The following LARP4B variants were observed in gnomAD, a reference collection of about 807,000 sequenced individuals.
The protein encoded by LARP4B is La ribonucleoprotein 4B, also known as la-related protein 4B.
LARP4B carries 12 observed loss-of-function variants against 89.8 expected under a neutral mutation model. The observed-to-expected ratio is 0.13, with a 90% CI of 0.09 to 0.22. The LOEUF (loss-of-function observed/expected upper bound fraction) is 0.22, where lower values mean the gene tolerates loss of function less well. LARP4B is among the 10% of genes least tolerant of loss of function. The pLI is 1.00. For synonymous variants in LARP4B, 367 were observed against 363.3 expected (o/e 1.01, Z -0.12); for missense variants, 757 against 947.7 (o/e 0.80, Z 2.64).
At chr10:925,580 C>T (rs1224141652) in intron 1 of LARP4B, among the ~76,000 whole-genome samples, 1 of 152,108 alleles carries the variant, frequency 6.6e-6, no homozygotes, top group Non-Finnish European at 1.5e-5. Context: ...GTCGCCCAGG[C>T]TGGAGTGCAG....
At chr10:943,054 C>T in the LARP4B span, among the ~76,000 whole-genome samples, 1 of 150,918 alleles carries the variant, frequency 6.6e-6, no homozygotes, top group South Asian at 2.1e-4. Flanking sequence ...TCAAGAGATT[C>T]TCCTGCCTTG....
rs1050175123 is a variant in LARP4B at position 914,674 on chromosome 10, A to C, written c.-40+16754T>G. ...GCTGGGCATGGTGGCGCATGCCTGT[A>C]ATCCCAGCCACTCGAGAGGCTGAGG... On this transcript the variant is annotated intron_variant, in intron 1 of 17. Coordinates refer to ENST00000316157, the MANE Select transcript of LARP4B (RefSeq NM_015155.3). Among the ~76,000 whole-genome samples the C allele has an allele frequency of 4.3e-3, 657 of 151,666 alleles. 4 individuals are homozygous for C. Among genetic ancestry groups the C allele is most frequent in the Non-Finnish European group, 7.0e-3 (476 of 67,922 alleles).
At chr10:923,767 A>T (rs768536213) in intron 1 of LARP4B, among the ~76,000 whole-genome samples, 143 of 152,220 alleles carry the variant, frequency 9.4e-4, no homozygotes, top group Non-Finnish European at 1.8e-3. Flanking sequence ...ATTGATCACT[A>T]GGTTTTCATC....
chr10:896,368 A>T (rs1401846182), intron 1 of LARP4B, among the ~76,000 whole-genome samples: 19 of 152,344 alleles, frequency 1.2e-4, no homozygotes, highest in African/African-American at 4.6e-4. Flanking sequence ...AATGACTACC[A>T]AAATAATAAA....
At chr10:935,722 CTTTT>C (rs10711022), upstream of LARP4B, among the ~76,000 whole-genome samples, 833 of 83,936 alleles carry the variant, frequency 9.9e-3, 10 homozygotes, top group African/African-American at 0.033. Flanking sequence ...CTTTTCTTTT[CTTTT>C]TTTTTTTTTT....
At chr10:902,047 G>A (rs941635101) in intron 1 of LARP4B, among the ~76,000 whole-genome samples, 3 of 152,144 alleles carry the variant, frequency 2.0e-5, no homozygotes, top group Non-Finnish European at 2.9e-5. Context: ...CCCCTCCACC[G>A]TTAAAGCCTG....
At chr10:867,879 A>AC (rs2131860302) in intron 3 of LARP4B, among the ~76,000 whole-genome samples, 1 of 151,128 alleles carries the variant, frequency 6.6e-6, no homozygotes, top group African/African-American at 2.4e-5. Context: ...AAAAAAAAAA[A>AC]AAAAAAACTC....
At chr10:854,632 C>A (rs924233827) in intron 5 of LARP4B, among the ~76,000 whole-genome samples, 1 of 151,812 alleles carries the variant, frequency 6.6e-6, no homozygotes. Context: ...ATTCAGTAAA[C>A]CATGATGTAA....
chr10:917,860 C>T (rs1352699112), intron 1 of LARP4B, among the ~76,000 whole-genome samples: 1 of 152,128 alleles, frequency 6.6e-6, no homozygotes, highest in Non-Finnish European at 1.5e-5. Flanking sequence ...AAGTATAATA[C>T]TAAAACTTAT....
At chr10:909,835 T>A (rs1480362295) in intron 1 of LARP4B, among the ~76,000 whole-genome samples, 1 of 152,154 alleles carries the variant, frequency 6.6e-6, no homozygotes, top group East Asian at 1.9e-4. Flanking sequence ...AATCTTACTT[T>A]GGTTTACTAT....
rs980410613 is a variant in LARP4B, at chr10:813,539, C to T, written c.1930-326G>A. Among the ~76,000 whole-genome samples the T allele has an allele frequency of 2.0e-4, 31 of 152,238 alleles. 1 individual carries two copies. Among genetic ancestry groups the T allele is most frequent in the Non-Finnish European group, 5.9e-5 (4 of 68,044 alleles). ...AGAGTCCGGATGCTGCCCACACTGG[C>T]TCCGCCAGCTCAGGACAACAGAAGG... is the stretch of plus-strand genomic sequence containing the variant. On this transcript the variant is annotated intron_variant, in intron 17 of 17. Transcript: ENST00000316157.
At chr10:866,647 C>A (rs907081145) in intron 3 of LARP4B, among the ~76,000 whole-genome samples, 1 of 152,182 alleles carries the variant, frequency 6.6e-6, no homozygotes, top group African/African-American at 2.4e-5. Context: ...CTGTTTTCAC[C>A]ACCACCACAC....
chr10:860,360 T>C (rs1391272759), intron 5 of LARP4B, among the ~76,000 whole-genome samples: 2 of 152,106 alleles, frequency 1.3e-5, no homozygotes, highest in African/African-American at 4.8e-5. Flanking sequence ...GGTGCTTTAA[T>C]CCACCACTGG....
the LARP4B span, among the ~76,000 whole-genome samples, chr10:961,500 G>C: frequency 2.1e-5 from 3 of 145,600 alleles, no homozygotes; most frequent in South Asian, 6.7e-4. Context: ...TCATGGCAGC[G>C]TGGTGCCAGC....
upstream of LARP4B, among the ~76,000 whole-genome samples, chr10:931,959 C>T (rs1196039760): frequency 3.4e-5 from 5 of 147,738 alleles, no homozygotes; most frequent in Admixed American, 2.7e-4. Flanking sequence ...GCCCCGCGCA[C>T]GCCGCACGTC....
chr10:827,543 G>A (rs918162106), intron 11 of LARP4B, among the ~76,000 whole-genome samples: 1 of 152,234 alleles, frequency 6.6e-6, no homozygotes, highest in African/African-American at 2.4e-5. Context: ...GGACGCACAT[G>A]TTTTAGCACA....
chr10:836,218 G>A (rs886259079), intron 8 of LARP4B, among the ~76,000 whole-genome samples, 185 bp downstream of exon 8: 2 of 151,988 alleles, frequency 1.3e-5, no homozygotes, highest in Non-Finnish European at 2.9e-5. Context: ...GAGATCAAAA[G>A]GTTTGGTTAT....
chr10:929,839 G>A (rs1377946370), intron 1 of LARP4B, among the ~76,000 whole-genome samples: 3 of 152,050 alleles, frequency 2.0e-5, no homozygotes, highest in East Asian at 1.9e-4. Flanking sequence ...TCTAACCAAT[G>A]CAAGTTTCAA....
chr10:885,878 GT>G, intron 1 of LARP4B, 118 bp from the exon 2 acceptor site: 1 of 527,310 alleles, frequency 1.9e-6, no homozygotes. Context: ...ATTCAAAAAA[GT>G]TTAAAGAAGT....
Sources: gnomAD v4.1 joint callset for allele counts (sites outside exome capture counted in the v4.1 genomes callset) on GRCh38, gnomAD v4.1.1 for gene constraint, MANE v1.5 for transcripts, NCBI Gene and HGNC (gene_info 2026-07-23, HGNC 2026-07-21) for gene names.